Variants in HIVEP3 observed in about 807,000 individuals in gnomAD.
HIVEP3 encodes the protein HIVEP zinc finger 3.
A neutral mutation model predicts 152.8 loss-of-function variants in HIVEP3; 49 were observed. That is an observed-to-expected ratio of 0.32 (90% CI 0.26 to 0.41). The LOEUF (loss-of-function observed/expected upper bound fraction) is 0.41. Ranked by LOEUF, HIVEP3 falls within the 10% of genes least tolerant of loss-of-function variation. HIVEP3 has a pLI of 1.00. For synonymous variants in HIVEP3, 1,269 were observed against 1,289.0 expected (o/e 0.98, Z 0.33); for missense variants, 2,790 against 3,103.3 (o/e 0.90, Z 2.40).
In HIVEP3 at chr1:41,510,817, C is replaced by A. The variant is rs562387162; in HGVS notation, c.6855G>T (p.Pro2285=). 1 of 1,612,268 alleles carries A rather than the reference C, an allele frequency of 6.2e-7. No individual in the cohort carries two copies. Among genetic ancestry groups the A allele is most frequent in the Admixed American group, 1.7e-5 (1 of 59,964 alleles). The change falls in exon 9 of 9, where the codon CCG becomes CCT. Residue 2285 remains proline (P), a synonymous_variant. Coordinates refer to ENST00000372583, the MANE Select transcript of HIVEP3 (RefSeq NM_024503.5). ...GGGGTGTCCAGTCAGGAGGCCTGCC[C>A]GGGCCTCCGCCGGTCCTCTCCCTCT... ...PKERERTGGG[P]GRPPDWTPHG... is the part of the protein sequence containing the mutation.
chr1:41,844,741 C>G (rs935534891), intron 1 of HIVEP3, among the ~76,000 whole-genome samples: 3 of 152,220 alleles, frequency 2.0e-5, no homozygotes, highest in Non-Finnish European at 4.4e-5. Context: ...TCCCCTTATT[C>G]AGACTAAACT....
At chr1:41,844,450 G>A (rs761734364) in intron 1 of HIVEP3, among the ~76,000 whole-genome samples, 3 of 152,104 alleles carry the variant, frequency 2.0e-5, no homozygotes, top group Non-Finnish European at 4.4e-5. Flanking sequence ...AGGCAAAGGC[G>A]CCCTTCTCCT....
intron 1 of HIVEP3, among the ~76,000 whole-genome samples, chr1:41,901,851 C>T (rs1644629894): frequency 6.6e-6 from 1 of 152,182 alleles, no homozygotes; most frequent in Non-Finnish European, 1.5e-5. Context: ...TTAATGTGTG[C>T]TGTCTTGCTT....
chr1:41,735,763 C>T (rs930101212), intron 1 of HIVEP3, among the ~76,000 whole-genome samples: 31 of 152,134 alleles, frequency 2.0e-4, no homozygotes, highest in Non-Finnish European at 2.4e-4. Flanking sequence ...TCCCTGGCCA[C>T]CCACGTGCTA....
chr1:41,753,711 A>AAAC (rs1486164288), intron 1 of HIVEP3, among the ~76,000 whole-genome samples: 1 of 152,016 alleles, frequency 6.6e-6, no homozygotes, highest in African/African-American at 2.4e-5. Context: ...ATAAATAAAA[A>AAAC]TAGAAAACAA....
intron 1 of HIVEP3, among the ~76,000 whole-genome samples, chr1:41,814,274 C>G (rs916517597): frequency 9.9e-5 from 15 of 152,176 alleles, no homozygotes; most frequent in African/African-American, 3.1e-4. Flanking sequence ...ATGACCTCTG[C>G]GCTCACACTG....
chr1:41,874,500 A>AC (rs1411534102), intron 1 of HIVEP3, among the ~76,000 whole-genome samples: 2 of 152,148 alleles, frequency 1.3e-5, no homozygotes, highest in Non-Finnish European at 2.9e-5. Context: ...CTAAGGTTCG[A>AC]AATGTGGACT....
chr1:41,548,004 C>A (rs1274877708), intron 5 of HIVEP3, among the ~76,000 whole-genome samples: 7 of 151,988 alleles, frequency 4.6e-5, no homozygotes, highest in African/African-American at 1.4e-4. Flanking sequence ...CCTGCCAGTT[C>A]CTCCAGATGG....
At chr1:41,786,855 G>A (rs755576876) in intron 1 of HIVEP3, among the ~76,000 whole-genome samples, 2 of 151,342 alleles carry the variant, frequency 1.3e-5, no homozygotes, top group East Asian at 1.9e-4. Flanking sequence ...AGGTCCAAGC[G>A]ATTCTTGTGC....
At chr1:41,609,265 C>T (rs952541311) in intron 3 of HIVEP3, among the ~76,000 whole-genome samples, 4 of 152,186 alleles carry the variant, frequency 2.6e-5, no homozygotes, top group Non-Finnish European at 5.9e-5. Flanking sequence ...TGGTGTCTGC[C>T]CTTAGGGGGA....
At chr1:41,755,572 TC>T (rs1647269590) in intron 1 of HIVEP3, among the ~76,000 whole-genome samples, 1 of 150,462 alleles carries the variant, frequency 6.6e-6, no homozygotes, top group Admixed American at 6.6e-5. Flanking sequence ...AGGACTCATA[TC>T]TAGAACATAC....
chr1:41,585,503 A>T (rs1177892862), intron 3 of HIVEP3, among the ~76,000 whole-genome samples, 185 bp from the exon 4 acceptor site: 1 of 152,074 alleles, frequency 6.6e-6, no homozygotes, highest in Non-Finnish European at 1.5e-5. Context: ...CAAGCCCTGC[A>T]ATTCTTTCCT....
chr1:41,577,134 T>C (rs1251944260), intron 4 of HIVEP3, among the ~76,000 whole-genome samples: 2 of 152,160 alleles, frequency 1.3e-5, no homozygotes, highest in African/African-American at 2.4e-5. Flanking sequence ...GGTGGCAGTG[T>C]ACCACTTTCC....
Position 41,660,940 on chromosome 1 carries a change from CTT to C in HIVEP3, c.-720-31995_-720-31994del, listed in dbSNP as rs537769612. On this transcript the variant is annotated intron_variant, in intron 2 of 8. Coordinates refer to ENST00000372583, the MANE Select transcript of HIVEP3 (RefSeq NM_024503.5). ...AATCTGCTACTAGGCACACAGGACA[CTT>C]ATTAATGACCCCTTTTTTGCAGATG... is the stretch of plus-strand genomic sequence containing the variant. Among the ~76,000 whole-genome samples the C allele has an allele frequency of 2.6e-5, 4 of 152,300 alleles. No homozygotes were observed. The South Asian group carries it at 8.3e-4, about 32-fold the overall frequency.
At chr1:41,837,170 G>A (rs1412550695) in intron 1 of HIVEP3, among the ~76,000 whole-genome samples, 7 of 152,078 alleles carry the variant, frequency 4.6e-5, no homozygotes, top group Non-Finnish European at 7.4e-5. Flanking sequence ...TCTTCCTACT[G>A]CTAGGAATAC....
chr1:41,998,759 C>T (rs1645409248), intron 1 of HIVEP3, among the ~76,000 whole-genome samples: 1 of 151,912 alleles, frequency 6.6e-6, no homozygotes, highest in African/African-American at 2.4e-5. Context: ...TTTTATATAA[C>T]AAGAAGATTG....
intron 1 of HIVEP3, among the ~76,000 whole-genome samples, chr1:41,758,303 T>C (rs191653399): frequency 6.6e-6 from 1 of 152,246 alleles, no homozygotes; most frequent in Non-Finnish European, 1.5e-5. Context: ...AGAGAGATGA[T>C]AGAATGATGA....
intron 1 of HIVEP3, among the ~76,000 whole-genome samples, chr1:41,730,934 G>T (rs374474250): frequency 6.6e-6 from 1 of 152,160 alleles, no homozygotes; most frequent in Non-Finnish European, 1.5e-5. Flanking sequence ...GAGCAAGGAC[G>T]CAACTCCCAC....
intron 1 of HIVEP3, among the ~76,000 whole-genome samples, chr1:41,710,965 C>G (rs994722687): frequency 6.6e-6 from 1 of 152,222 alleles, no homozygotes; most frequent in Admixed American, 6.5e-5. Flanking sequence ...AGCTGAAGAC[C>G]GGAGAAATCA....
Sources: gnomAD v4.1 joint callset for allele counts (sites outside exome capture counted in the v4.1 genomes callset) on GRCh38, gnomAD v4.1.1 for gene constraint, MANE v1.5 for transcripts, NCBI Gene and HGNC (gene_info 2026-07-23, HGNC 2026-07-21) for gene names.